Variants in ADAP2 observed in about 807,000 individuals in gnomAD.
The protein encoded by ADAP2 is ArfGAP with dual PH domains 2, also known as arf-GAP with dual PH domain-containing protein 2.
ADAP2 carries 42 observed loss-of-function variants against 54.9 expected under a neutral mutation model. The observed-to-expected ratio is 0.77, with a 90% confidence interval of 0.60 to 0.99. The LOEUF (loss-of-function observed/expected upper bound fraction) is 0.99, where lower values mean the gene tolerates loss of function less well. Among genes scored for constraint, ADAP2 ranks in the 50% least tolerant of loss-of-function variants. The pLI is 0.00. For missense variants in ADAP2, 429 were observed against 480.4 expected (o/e 0.89, Z 1.00); for synonymous variants, 177 against 180.1 (o/e 0.98, Z 0.14).
rs1905193725 is a variant in ADAP2, at chr17:30,957,965, G to A, written c.*96G>A. On this transcript the variant is annotated 3_prime_UTR_variant, in exon 11 of 11. Coordinates refer to ENST00000330889, the MANE Select transcript of ADAP2 (RefSeq NM_018404.3). ...CCTGGCTGCCCACCATCAGTGCCCCGCAGTCAGCAGCCATTCCTGGCAGTG... is the reference window on the plus strand; with the variant it reads ...CCTGGCTGCCCACCATCAGTGCCCCACAGTCAGCAGCCATTCCTGGCAGTG... 1.0e-5 allele frequency: 12 copies of A among 1,148,584 alleles called. 1 individual carries two copies. The highest frequency in any genetic ancestry group is 3.9e-5 in the Admixed American group (2 of 50,924). The allele number at this position is 1,148,584 out of a possible 1,614,324, so 71.1% of individuals were successfully genotyped here.
Position 30,945,981 on chromosome 17 carries a change from G to A in ADAP2, c.657+928G>A, listed in dbSNP as rs956456725. Among the ~76,000 whole-genome samples, 59 of 151,076 alleles carry A rather than the reference G, an allele frequency of 3.9e-4. 1 individual carries two copies. The highest frequency in any genetic ancestry group is 1.2e-3 in the African/African-American group (49 of 41,152). On this transcript the variant is annotated intron_variant, in intron 6 of 10. Transcript: ENST00000330889. ...ATGCTGTCTAACACGGTGAAACCCC[G>A]TCTCTACTAAAAATACAAAAAAAAT...
intron 4 of ADAP2, among the ~76,000 whole-genome samples, chr17:30,933,457 A>G (rs1425961032): frequency 6.6e-6 from 1 of 152,026 alleles, no homozygotes; most frequent in African/African-American, 2.4e-5. Context: ...CAAGGTGTCA[A>G]GATTACAGGT....
intron 5 of ADAP2, among the ~76,000 whole-genome samples, 160 bp downstream of exon 5, chr17:30,934,457 A>T (rs1464763224): frequency 6.6e-6 from 1 of 152,172 alleles, no homozygotes; most frequent in Non-Finnish European, 1.5e-5. Flanking sequence ...CAGTAAATCC[A>T]GTCCACCAAA....
At chr17:30,927,614 CAA>C (rs540091821) in intron 3 of ADAP2, among the ~76,000 whole-genome samples, 13 of 112,654 alleles carry the variant, frequency 1.2e-4, no homozygotes, top group Non-Finnish European at 1.2e-4. Context: ...GACTCCGGCT[CAA>C]AAAAAAAAAA....
chr17:30,925,597 C>CTT (rs565627419), intron 2 of ADAP2, among the ~76,000 whole-genome samples: 7 of 133,938 alleles, frequency 5.2e-5, no homozygotes, highest in Admixed American at 1.5e-4. Flanking sequence ...TTCTTTCTTT[C>CTT]TTTTTTTTTT....
At chr17:30,933,752 C>G (rs912377124) in intron 4 of ADAP2, among the ~76,000 whole-genome samples, 2 of 152,222 alleles carry the variant, frequency 1.3e-5, no homozygotes, top group East Asian at 3.8e-4. Context: ...CCCGCCTCGG[C>G]CTCCCAAAGT....
Position 30,924,866 on chromosome 17 carries a change from G to GT in ADAP2, c.225+1804dup, listed in dbSNP as rs201358322. 2.9e-3 allele frequency among the ~76,000 whole-genome samples: 429 copies of GT among 147,082 alleles called. 7 individuals are homozygous for GT. Among genetic ancestry groups the GT allele is most frequent in the East Asian group, 0.028 (142 of 5,066 alleles). The stretch of plus-strand genomic sequence containing the variant: ...ACTCCCATGTTATATTTTCTTTTTT[G>GT]TTTTTTTTGTTTTTTTTTTTTTTGA... On this transcript the variant is annotated intron_variant, in intron 2 of 10. Coordinates refer to ENST00000330889, the MANE Select transcript of ADAP2 (RefSeq NM_018404.3).
At chr17:30,937,159 C>T (rs190413993) in intron 5 of ADAP2, among the ~76,000 whole-genome samples, 5 of 151,992 alleles carry the variant, frequency 3.3e-5, no homozygotes, top group Non-Finnish European at 5.9e-5. Context: ...TTTCCGACCT[C>T]GTGATCCACC....
intron 3 of ADAP2, among the ~76,000 whole-genome samples, chr17:30,928,014 C>A (rs1911190240): frequency 6.7e-6 from 1 of 150,174 alleles, no homozygotes; most frequent in South Asian, 2.1e-4. Context: ...CAGAGTGAGA[C>A]CTAGCATTAG....
chr17:30,950,458 A>G (rs1016266558), intron 7 of ADAP2, among the ~76,000 whole-genome samples: 1 of 152,034 alleles, frequency 6.6e-6, no homozygotes, highest in Non-Finnish European at 1.5e-5. Context: ...CTATTTCCAT[A>G]TGGGTAAGAT....
rs539642319 is a variant in ADAP2, at chr17:30,957,705, A to T, written c.1112-130A>T. The T allele has an allele frequency of 5.3e-4, 443 of 832,796 alleles. 1 individual carries two copies. The highest frequency in any genetic ancestry group is 2.7e-3 in the Middle Eastern group (12 of 4,452). The allele number at this position is 832,796 out of a possible 1,614,324, so 51.6% of individuals were successfully genotyped here. The stretch of plus-strand genomic sequence containing the variant: ...CTCGGCCTCCCAAAGTGCTGGGATT[A>T]CAGGCATGAGCCACTGTGCCCGGCC... On this transcript the variant is annotated intron_variant, in intron 10 of 10. Coordinates refer to ENST00000330889, the MANE Select transcript of ADAP2 (RefSeq NM_018404.3).
At chr17:30,931,306 GACATTTTTGGGTGCC>G in intron 3 of ADAP2, among the ~76,000 whole-genome samples, 1 of 152,302 alleles carries the variant, frequency 6.6e-6, no homozygotes, top group South Asian at 2.1e-4. Context: ...AATGCCTGAA[GACATTTTTGGGTGCC>G]ACAACTGGGG....
Position 30,956,448 on chromosome 17 carries a change from T to C in ADAP2, c.1090T>C (p.Leu364=). ...ESLRGVLSSP[L]TPLNRLTAST... ...TTTGCGGGGTGTCCTGTCCAGCCCC[T>C]TGACGCCCCTCAACCGGCTTAGTAA... The change falls in exon 10 of 11, where the codon TTG becomes CTG. Residue 364 remains leucine, a synonymous_variant. Transcript: ENST00000330889. The C allele has an allele frequency of 1.9e-6, 3 of 1,614,182 alleles. No individual in the cohort carries two copies. The highest frequency in any genetic ancestry group is 2.5e-6 in the Non-Finnish European group (3 of 1,180,026).
intron 4 of ADAP2, 89 bp from the exon 5 acceptor site, chr17:30,934,096 A>G: frequency 1.1e-6 from 1 of 928,796 alleles, no homozygotes; most frequent in South Asian, 1.5e-5. Context: ...TGGAAGGCTT[A>G]TTCCACCCTT....
In ADAP2 at chr17:30,933,568, C is replaced by T. The variant is rs150897677; in HGVS notation, c.398-617C>T. On this transcript the variant is annotated intron_variant, in intron 4 of 10. Transcript: ENST00000330889. Reference sequence around the variant, plus strand: ...AGGCTGGAGTGCAGTGGCACAATCTCGGCTCGCTGCAACCTCCCCCTCCCG... The same window carrying T: ...AGGCTGGAGTGCAGTGGCACAATCTTGGCTCGCTGCAACCTCCCCCTCCCG... 8.3e-3 allele frequency among the ~76,000 whole-genome samples: 1,271 copies of T among 152,310 alleles called. 8 individuals carry two copies. Among genetic ancestry groups the T allele is most frequent in the South Asian group, 0.027 (131 of 4,826 alleles).
At chr17:30,923,452 A>G (rs1305605615) in intron 2 of ADAP2, among the ~76,000 whole-genome samples, 5 of 151,290 alleles carry the variant, frequency 3.3e-5, no homozygotes, top group Non-Finnish European at 7.4e-5. Flanking sequence ...CTTAGTAGAG[A>G]CGGGGTTTCA....
chr17:30,937,082 C>T (rs1399784036), intron 5 of ADAP2, among the ~76,000 whole-genome samples: 22 of 151,934 alleles, frequency 1.4e-4, no homozygotes, highest in Admixed American at 1.1e-3. Context: ...CGCGCACCAC[C>T]ATGCCTGGCT....
intron 8 of ADAP2, 33 bp downstream of exon 8, chr17:30,953,383 T>TAAACCCCTG: frequency 6.3e-7 from 1 of 1,597,090 alleles, no homozygotes; most frequent in Non-Finnish European, 8.6e-7. Flanking sequence ...GAACTTAATA[T>TAAACCCCTG]GGTTTAATGT....
At chr17:30,938,561 C>T (rs1912047529) in intron 5 of ADAP2, among the ~76,000 whole-genome samples, 1 of 152,096 alleles carries the variant, frequency 6.6e-6, no homozygotes, top group Non-Finnish European at 1.5e-5. Context: ...CCCCATTGAG[C>T]CCTGGGGCAT....
Sources: allele counts gnomAD v4.1 joint callset (sites outside exome capture counted in the v4.1 genomes callset), GRCh38; gene constraint gnomAD v4.1.1; transcripts MANE v1.5; gene names NCBI Gene and HGNC (gene_info 2026-07-23, HGNC 2026-07-21).